The following DCC variants were observed in gnomAD, a reference collection of about 807,000 sequenced individuals.
DCC encodes the protein netrin receptor DCC.
Under a neutral mutation model 172.5 loss-of-function variants are expected in DCC, and 58 were observed. The observed-to-expected ratio is 0.34, with a 90% CI of 0.27 to 0.42. The LOEUF is 0.42. DCC is among the 10% of genes least tolerant of loss of function. DCC has a pLI of 1.00. For synonymous variants in DCC, 709 were observed against 644.5 expected, an observed-to-expected ratio of 1.10 and a Z score of -1.52; for missense variants, 1,740 against 1,791.0, an observed-to-expected ratio of 0.97 and a Z score of 0.51.
At chr18:52,489,856 C>A (rs1423993173) in intron 1 of DCC, among the ~76,000 whole-genome samples, 5 of 152,124 alleles carry the variant, frequency 3.3e-5, no homozygotes, top group Non-Finnish European at 5.9e-5. Flanking sequence ...CCTGATCTGA[C>A]CTCATCTGAG....
At chr18:53,415,603 TCAA>T (rs1305088654) in intron 20 of DCC, among the ~76,000 whole-genome samples, 1 of 152,280 alleles carries the variant, frequency 6.6e-6, no homozygotes, top group Non-Finnish European at 1.5e-5. Context: ...TCTGAAGTTG[TCAA>T]CAACAACTCA....
intron 15 of DCC, among the ~76,000 whole-genome samples, chr18:53,366,330 G>T (rs780216176): frequency 3.9e-5 from 6 of 152,090 alleles, no homozygotes; most frequent in Non-Finnish European, 8.8e-5. Context: ...TTACAGGTGT[G>T]AGCCACCACA....
chr18:52,548,430 C>T (rs1202816921), intron 1 of DCC, among the ~76,000 whole-genome samples: 2 of 152,042 alleles, frequency 1.3e-5, no homozygotes, highest in Non-Finnish European at 2.9e-5. Context: ...AAAACAGGGG[C>T]ACTGCTGGGC....
intron 7 of DCC, among the ~76,000 whole-genome samples, chr18:53,082,577 A>G (rs974261421): frequency 6.6e-6 from 1 of 152,114 alleles, no homozygotes; most frequent in Non-Finnish European, 1.5e-5. Context: ...TCAGTAACAA[A>G]TTAGTAAGTA....
chr18:52,767,921 G>A (rs1431743), intron 2 of DCC, among the ~76,000 whole-genome samples: 16,638 of 152,166 alleles, frequency 0.11, 3,004 homozygotes, highest in African/African-American at 0.38. Flanking sequence ...AGCACTTCAG[G>A]AAGAAAATGT....
At chr18:52,635,505 T>C (rs544695937) in intron 1 of DCC, among the ~76,000 whole-genome samples, 2 of 152,344 alleles carry the variant, frequency 1.3e-5, no homozygotes, top group South Asian at 2.1e-4. Context: ...CATGAAATTA[T>C]ATTATTTAAA....
chr18:53,296,392 A>G (rs2057068420), intron 12 of DCC, among the ~76,000 whole-genome samples: 1 of 152,236 alleles, frequency 6.6e-6, no homozygotes, highest in Admixed American at 6.5e-5. Context: ...TGGAACTTTC[A>G]CACGTTCTCA....
intron 2 of DCC, among the ~76,000 whole-genome samples, chr18:52,790,792 T>G (rs900083803): frequency 1.3e-5 from 2 of 152,180 alleles, no homozygotes; most frequent in Non-Finnish European, 2.9e-5. Context: ...GAATTGCCTG[T>G]TTTTCACCTA....
chr18:52,956,028 T>C (rs2040736687), intron 5 of DCC, among the ~76,000 whole-genome samples: 3 of 151,992 alleles, frequency 2.0e-5, no homozygotes, highest in Non-Finnish European at 4.4e-5. Flanking sequence ...TGTCTTATTC[T>C]CTAATCTTGT....
chr18:53,128,862 CACACACACATATATATATAT>C (rs1178358744), intron 7 of DCC, among the ~76,000 whole-genome samples: 3 of 81,100 alleles, frequency 3.7e-5, no homozygotes, highest in East Asian at 4.2e-4. Flanking sequence ...CACACACACA[CACACACACATATATATATAT>C]ATATATATAT....
intron 1 of DCC, among the ~76,000 whole-genome samples, chr18:52,462,472 T>G (rs1026242967): frequency 6.6e-6 from 1 of 152,180 alleles, no homozygotes; most frequent in African/African-American, 2.4e-5. Context: ...CAGGCCTACC[T>G]GCTTACTTTC....
intron 1 of DCC, among the ~76,000 whole-genome samples, chr18:52,532,451 A>G (rs982740146): frequency 1.3e-5 from 2 of 152,162 alleles, no homozygotes; most frequent in African/African-American, 4.8e-5. Flanking sequence ...ATGTGTTCAA[A>G]GTACAAAATA....
intron 7 of DCC, among the ~76,000 whole-genome samples, chr18:53,122,896 C>A (rs2043503070): frequency 6.6e-6 from 1 of 152,048 alleles, no homozygotes; most frequent in Non-Finnish European, 1.5e-5. Context: ...CTCCCTTTTG[C>A]ATGCATATCT....
chr18:52,959,370 A>G (rs559040891), intron 5 of DCC, among the ~76,000 whole-genome samples: 9 of 152,262 alleles, frequency 5.9e-5, no homozygotes, highest in African/African-American at 2.2e-4. Context: ...AAGACTACTT[A>G]AAACCAACTG....
intron 15 of DCC, among the ~76,000 whole-genome samples, chr18:53,377,319 G>A (rs1346453934): frequency 6.7e-6 from 1 of 148,896 alleles, no homozygotes; most frequent in Non-Finnish European, 1.5e-5. Flanking sequence ...ATTATCCCAT[G>A]GTGGAAGGCA....
chr18:52,590,711 G>A (rs761173981), intron 1 of DCC, among the ~76,000 whole-genome samples: 40 of 152,228 alleles, frequency 2.6e-4, no homozygotes, highest in Non-Finnish European at 4.7e-4. Flanking sequence ...CCAGTGGCCC[G>A]ATTCCCAGTG....
At chr18:53,338,279 C>G (rs1264005548) in intron 14 of DCC, among the ~76,000 whole-genome samples, 1 of 152,120 alleles carries the variant, frequency 6.6e-6, no homozygotes, top group Non-Finnish European at 1.5e-5. Flanking sequence ...CACCTAGGCT[C>G]ACACCTCAAA....
At chr18:52,933,645 T>C (rs565860021) in intron 5 of DCC, among the ~76,000 whole-genome samples, 1 of 152,200 alleles carries the variant, frequency 6.6e-6, no homozygotes, top group African/African-American at 2.4e-5. Context: ...TGGAAACATA[T>C]GGAAAGATTT....
At chr18:52,481,267 C>T (rs1477812008) in intron 1 of DCC, among the ~76,000 whole-genome samples, 1 of 152,106 alleles carries the variant, frequency 6.6e-6, no homozygotes, top group African/African-American at 2.4e-5. Flanking sequence ...TGCGTGCCAG[C>T]CTGGCGCATG....
Sources: gnomAD v4.1 joint callset for allele counts (sites outside exome capture counted in the v4.1 genomes callset) on GRCh38, gnomAD v4.1.1 for gene constraint, MANE v1.5 for transcripts, NCBI Gene and HGNC (gene_info 2026-07-23, HGNC 2026-07-21) for gene names.